IGSF11: variants seen among roughly 807,000 people sequenced by gnomAD.
IGSF11 encodes immunoglobulin superfamily member 11.
Under a neutral mutation model 41.0 loss-of-function variants are expected in IGSF11, and 22 were observed. The observed-to-expected ratio is 0.54, with a 90% CI of 0.38 to 0.77. The LOEUF (loss-of-function observed/expected upper bound fraction) is 0.77, where lower values mean the gene tolerates loss of function less well. Among genes scored for constraint, IGSF11 ranks in the 30% least tolerant of loss-of-function variants. The pLI, the probability that IGSF11 is intolerant of heterozygous loss-of-function variation, is 0.00. For synonymous variants in IGSF11, 219 were observed against 201.3 expected (o/e 1.09, Z -0.74); for missense variants, 444 against 530.8 (o/e 0.84, Z 1.61).
chr3:119,046,724 A>G (rs1315798360), intron 1 of IGSF11, among the ~76,000 whole-genome samples: 6 of 152,158 alleles, frequency 3.9e-5, no homozygotes, highest in Admixed American at 2.6e-4. Flanking sequence ...GAAGGAAAAA[A>G]TGTTAAGGGC....
At chr3:119,062,647 A>G (rs1371881984) in intron 1 of IGSF11, among the ~76,000 whole-genome samples, 1 of 152,210 alleles carries the variant, frequency 6.6e-6, no homozygotes, top group Non-Finnish European at 1.5e-5. Flanking sequence ...TTTATGTCCT[A>G]ACTATGGTTT....
intron 1 of IGSF11, among the ~76,000 whole-genome samples, chr3:119,132,378 C>A (rs1234619441): frequency 4.8e-4 from 19 of 39,780 alleles, no homozygotes; most frequent in South Asian, 1.7e-3. Context: ...AAACAGAAAG[C>A]AAAAAAAAAA....
intron 1 of IGSF11, among the ~76,000 whole-genome samples, chr3:118,990,713 T>G (rs1160598968): frequency 6.6e-6 from 1 of 152,212 alleles, no homozygotes; most frequent in Non-Finnish European, 1.5e-5. Flanking sequence ...TCCCTTTCAC[T>G]GTTTCTAACC....
rs747013421 is a variant in IGSF11, at chr3:118,935,509, G to A, written c.53-5234C>T. ...TAAGACAAACTGCCCTGAAGAATTTGCACAAGGAAGATGGCTGAAAATTGG... is the reference window on the plus strand; with the variant it reads ...TAAGACAAACTGCCCTGAAGAATTTACACAAGGAAGATGGCTGAAAATTGG... On this transcript the variant is annotated intron_variant, in intron 1 of 6. Transcript: ENST00000393775. Among the ~76,000 whole-genome samples the A allele has an allele frequency of 4.6e-5, 7 of 151,256 alleles. No homozygotes were observed. In the South Asian group the frequency reaches 8.4e-4, roughly 18 times the overall value.
intron 1 of IGSF11, among the ~76,000 whole-genome samples, chr3:119,089,784 G>C (rs922703167): frequency 2.0e-5 from 3 of 152,252 alleles, no homozygotes; most frequent in African/African-American, 7.2e-5. Context: ...CAGCACTTTG[G>C]GAGGCCAAGG....
chr3:119,126,480 G>A lies in IGSF11; in HGVS notation c.-14+19333C>T, dbSNP rs950358546. Among the ~76,000 whole-genome samples the A allele has an allele frequency of 3.3e-5, 5 of 152,306 alleles. 1 individual carries two copies. The highest frequency in any genetic ancestry group is 3.9e-4 in the East Asian group (2 of 5,170). On this transcript the variant is annotated intron_variant, in intron 1 of 7. Coordinates refer to the IGSF11 transcript ENST00000425327. Reference sequence around the variant, plus strand: ...AGGAATCCAGGCAGCCCAGACAAGTGGGTTTCCCCCCACAAAACACACCCT... The same window carrying A: ...AGGAATCCAGGCAGCCCAGACAAGTAGGTTTCCCCCCACAAAACACACCCT...
At chr3:119,067,769 C>T (rs1440437905) in intron 1 of IGSF11, among the ~76,000 whole-genome samples, 1 of 152,116 alleles carries the variant, frequency 6.6e-6, no homozygotes, top group African/African-American at 2.4e-5. Flanking sequence ...AAGCAGGATC[C>T]TCAATCCATG....
At chr3:119,006,241 TC>T (rs1372887777) in intron 1 of IGSF11, among the ~76,000 whole-genome samples, 1 of 124,322 alleles carries the variant, frequency 8.0e-6, no homozygotes, top group Non-Finnish European at 1.6e-5. Flanking sequence ...TACCCTTTCT[TC>T]CAGTTGATCG....
At chr3:119,112,372 C>T (rs1365767689) in intron 1 of IGSF11, among the ~76,000 whole-genome samples, 1 of 152,184 alleles carries the variant, frequency 6.6e-6, no homozygotes, top group Non-Finnish European at 1.5e-5. Flanking sequence ...ATCAGCGAGA[C>T]TCTGTGGGCG....
intron 1 of IGSF11, among the ~76,000 whole-genome samples, chr3:119,094,540 G>A (rs6808358): frequency 0.054 from 8,205 of 152,064 alleles, 351 homozygotes; most frequent in Admixed American, 0.15. Flanking sequence ...GAGTGCTACA[G>A]AAGGGTGGAA....
In IGSF11 at chr3:118,919,254, C is replaced by A. The variant is rs1941488041; in HGVS notation, c.580+6847G>T. Among the ~76,000 whole-genome samples the A allele has an allele frequency of 2.9e-5, 4 of 138,276 alleles. No individual in the cohort carries two copies. In the South Asian group the frequency reaches 1.0e-3, roughly 35 times the overall value. The allele number at this position is 138,276 out of a possible 152,430, so 90.7% of individuals were successfully genotyped here. A position where few individuals can be genotyped will look rare whatever the true frequency, so the allele number is the denominator to read the frequency against. On this transcript the variant is annotated intron_variant, in intron 4 of 6. Coordinates refer to ENST00000393775, the MANE Select transcript of IGSF11 (RefSeq NM_001015887.3). The stretch of plus-strand genomic sequence containing the variant: ...CAATGGCAACAAAAGCCAAAATTGA[C>A]AAATGGGATCTAATTAAACTAAAGA...
intron 1 of IGSF11, among the ~76,000 whole-genome samples, chr3:119,069,435 T>A (rs1942334773): frequency 6.6e-6 from 1 of 152,202 alleles, no homozygotes; most frequent in African/African-American, 2.4e-5. Context: ...AAGGAAATAC[T>A]ACATGACCAT....
chr3:119,116,649 A>G (rs536599106), intron 1 of IGSF11, among the ~76,000 whole-genome samples: 1 of 152,238 alleles, frequency 6.6e-6, no homozygotes, highest in Non-Finnish European at 1.5e-5. Context: ...TTGTAAAGCT[A>G]ATAGGAAGCC....
Position 118,930,239 on chromosome 3 carries a change from C to T in IGSF11, c.89G>A (p.Gly30Glu). ...AASLEVSESP[G>E]SIQVARGQPA... is the part of the protein sequence containing the mutation. The stretch of plus-strand genomic sequence containing the variant: ...CTGACCCCGGGCCACCTGGATACTC[C>T]CAGGGCTCTCTGACACTTCCAGGGA... Residue 30 changes from glycine (G) to glutamate (E), a missense_variant, in exon 2 of 7, where the codon GGG becomes GAG. Gly to Glu is a moderately conservative substitution (Grantham distance 98). Coordinates refer to ENST00000393775, the MANE Select transcript of IGSF11 (RefSeq NM_001015887.3). The T allele has an allele frequency of 6.2e-7, 1 of 1,613,738 alleles. No individual in the cohort carries two copies. Among genetic ancestry groups the T allele is most frequent in the Non-Finnish European group, 8.5e-7 (1 of 1,179,792 alleles).
At chr3:118,982,424 A>G (rs1284627268) in intron 1 of IGSF11, among the ~76,000 whole-genome samples, 1 of 152,194 alleles carries the variant, frequency 6.6e-6, no homozygotes, top group Non-Finnish European at 1.5e-5. Context: ...CAAAAAAAGG[A>G]GCTGATAAAC....
At chr3:119,016,922 A>C (rs190486548) in intron 1 of IGSF11, among the ~76,000 whole-genome samples, 1 of 152,306 alleles carries the variant, frequency 6.6e-6, no homozygotes, top group Non-Finnish European at 1.5e-5. Context: ...TGTTTATGAA[A>C]TAAACATGTA....
chr3:119,076,333 T>G (rs1371657200), intron 1 of IGSF11, among the ~76,000 whole-genome samples: 1 of 152,166 alleles, frequency 6.6e-6, no homozygotes, highest in African/African-American at 2.4e-5. Context: ...GGCAATACCA[T>G]TTAGGACATA....
intron 1 of IGSF11, among the ~76,000 whole-genome samples, chr3:118,969,856 T>C (rs1259184499): frequency 6.6e-6 from 1 of 152,140 alleles, no homozygotes; most frequent in Non-Finnish European, 1.5e-5. Flanking sequence ...TCCACAAACA[T>C]CTGTAGCTCT....
intron 1 of IGSF11, among the ~76,000 whole-genome samples, chr3:119,096,393 C>T (rs533891229): frequency 6.6e-6 from 1 of 152,086 alleles, no homozygotes; most frequent in South Asian, 2.1e-4. Flanking sequence ...TATATACACA[C>T]ATATACAGCC....
Sources: gnomAD v4.1 joint callset for allele counts (sites outside exome capture counted in the v4.1 genomes callset) on GRCh38, gnomAD v4.1.1 for gene constraint, MANE v1.5 for transcripts, NCBI Gene and HGNC (gene_info 2026-07-23, HGNC 2026-07-21) for gene names.